The following POLN variants were observed in gnomAD, a reference collection of about 807,000 sequenced individuals.
POLN encodes DNA polymerase N.
POLN carries 108 observed loss-of-function variants against 113.5 expected under a neutral mutation model. The ratio of observed to expected loss-of-function variants is 0.95; its 90% CI spans 0.81 to 1.12. POLN has a LOEUF of 1.12. Among genes scored for constraint, POLN ranks in the 50% most tolerant of loss-of-function variants. POLN has a pLI of 0.00. For synonymous variants in POLN, 386 were observed against 391.5 expected, an observed-to-expected ratio of 0.99 and a Z score of 0.17; for missense variants, 1,097 against 1,077.1, an observed-to-expected ratio of 1.02 and a Z score of -0.26.
At chr4:2,123,624 CAAAAAAAAA>C (rs771462226) in intron 19 of POLN, among the ~76,000 whole-genome samples, 1 of 54,954 alleles carries the variant, frequency 1.8e-5, no homozygotes, top group South Asian at 7.6e-4. Flanking sequence ...GACCCTGTCT[CAAAAAAAAA>C]AAAAAAAAAA....
intron 5 of POLN, 151 bp downstream of exon 5, chr4:2,207,836 A>G: frequency 3.6e-6 from 3 of 832,800 alleles, no homozygotes; most frequent in South Asian, 2.3e-5. Flanking sequence ...TAAGAAACTG[A>G]TGGGAGCATA....
At chr4:2,186,998 C>A (rs1488568300) in intron 7 of POLN, among the ~76,000 whole-genome samples, 1 of 152,052 alleles carries the variant, frequency 6.6e-6, no homozygotes, top group Non-Finnish European at 1.5e-5. Context: ...AGGCTCTCAA[C>A]AGCAGAATGG....
rs765183268 is a variant in POLN at position 2,193,281 on chromosome 4, G to A, written c.944C>T (p.Pro315Leu). The change falls in exon 7 of 26, where the codon CCT becomes CTT. Residue 315 changes from proline to leucine, a missense_variant. Transcript: ENST00000511885. ...ATCCTTAGCATTAAAACAAATAACA[G>A]GACATTTACATTTCATTGTTTGAAA... ...VLFQTMKCKC[P>L]VICFNAKDFV... 2 of 1,608,396 alleles carry A rather than the reference G, an allele frequency of 1.2e-6. No individual in the cohort carries two copies. The highest frequency in any genetic ancestry group is 1.7e-6 in the Non-Finnish European group (2 of 1,177,396).
chr4:2,090,437 G>C (rs947763711), intron 20 of POLN: 8 of 590,682 alleles, frequency 1.4e-5, no homozygotes, highest in Middle Eastern at 6.9e-4. Flanking sequence ...GATTCTTTCA[G>C]ATCTTCATGA....
In POLN at chr4:2,127,240, T is replaced by C. The variant is rs1225263394; in HGVS notation, c.1982+873A>G. On this transcript the variant is annotated intron_variant, in intron 19 of 25. Coordinates refer to ENST00000511885, the MANE Select transcript of POLN (RefSeq NM_181808.4). The surrounding 1 kb of genome is among the most constrained non-coding windows in gnomAD (Gnocchi z 4.7). Reference sequence around the variant, plus strand: ...CTGCAGCTGATGAGGGAGGGGACAGTGACTCAGACACACGGACCTTCCAAC... The same window carrying C: ...CTGCAGCTGATGAGGGAGGGGACAGCGACTCAGACACACGGACCTTCCAAC... 6.6e-6 allele frequency among the ~76,000 whole-genome samples: 1 copy of C among 151,544 alleles called. No homozygotes were observed. Among genetic ancestry groups the C allele is most frequent in the Non-Finnish European group, 1.5e-5 (1 of 67,808 alleles).
rs891942305 is a variant in POLN at position 2,078,895 on chromosome 4, C to T, written c.2387+2063G>A. On this transcript the variant is annotated intron_variant, in intron 23 of 25. Transcript: ENST00000511885. ...GAGACCTCAGCTCCTCACATGCCAACTTCCTTTATCAATTCCACAAGGGCT... is the reference window on the plus strand; with the variant it reads ...GAGACCTCAGCTCCTCACATGCCAATTTCCTTTATCAATTCCACAAGGGCT... 13 of 985,150 alleles carry T rather than the reference C, an allele frequency of 1.3e-5. No homozygotes were observed. The South Asian group carries it at 1.4e-4, about 11-fold the overall frequency. 61.0% of individuals were successfully genotyped at this position (985,150 alleles called of 1,614,324 possible).
chr4:2,162,738 T>C (rs2108743191), intron 13 of POLN, among the ~76,000 whole-genome samples: 1 of 152,068 alleles, frequency 6.6e-6, no homozygotes, highest in East Asian at 1.9e-4. Flanking sequence ...ATTACAGGCA[T>C]GAGCCACCAT....
In POLN at chr4:2,129,056, CAAAAAAAAAA is replaced by C. The variant is rs542873881; in HGVS notation, c.1867+113_1867+122del. ...GGCCACAAAAGCGAGACTCTTGTCT[CAAAAAAAAAA>C]AAAAAAAAAAGAATTTATTTGAAAG... On this transcript the variant is annotated intron_variant, in intron 18 of 25. Coordinates refer to ENST00000511885, the MANE Select transcript of POLN (RefSeq NM_181808.4). The C allele has an allele frequency of 3.1e-5, 9 of 288,374 alleles. No homozygotes were observed. The East Asian group carries it at 7.3e-4, about 23-fold the overall frequency. 17.9% of individuals were successfully genotyped at this position (288,374 alleles called of 1,614,324 possible). A position where few individuals can be genotyped will look rare whatever the true frequency, so the allele number is the denominator to read the frequency against.
rs1735009301 is a variant in POLN, at chr4:2,242,035, G to A, written c.-284+16C>T. On this transcript the variant is annotated intron_variant, in intron 1 of 25. Coordinates refer to ENST00000511885, the MANE Select transcript of POLN (RefSeq NM_181808.4). ...CCCACACCCCTGCGCCCAGAACCGA[G>A]GCCCGCGTCAGTCACCTCAGGAAGT... The A allele has an allele frequency of 1.0e-6, 1 of 985,506 alleles. No individual in the cohort carries two copies. The highest frequency in any genetic ancestry group is 1.2e-6 in the Non-Finnish European group (1 of 830,060). 61.0% of individuals were successfully genotyped at this position (985,506 alleles called of 1,614,324 possible).
At chr4:2,214,551 C>A (rs373026086) in intron 3 of POLN, among the ~76,000 whole-genome samples, 1 of 151,940 alleles carries the variant, frequency 6.6e-6, no homozygotes, top group African/African-American at 2.4e-5. Context: ...AGGCAATACA[C>A]AAAACAGAAA....
At chr4:2,073,835 GGTGTGTC>G (rs1730211095) in intron 24 of POLN, among the ~76,000 whole-genome samples, 2 of 152,252 alleles carry the variant, frequency 1.3e-5, no homozygotes, top group African/African-American at 4.8e-5. Context: ...ACCTGTCCCT[GGTGTGTC>G]CTGAGCAGGG....
chr4:2,186,175 A>C (rs951824526), intron 7 of POLN, among the ~76,000 whole-genome samples: 1 of 152,220 alleles, frequency 6.6e-6, no homozygotes, highest in Non-Finnish European at 1.5e-5. Context: ...TAAACTGAAA[A>C]AAGTGAGACT....
chr4:2,236,536 G>A, intron 2 of POLN: 2 of 930,172 alleles, frequency 2.2e-6, no homozygotes, highest in Non-Finnish European at 3.4e-6. Flanking sequence ...CTGTATTGGG[G>A]CATTTGTGGG....
intron 19 of POLN, among the ~76,000 whole-genome samples, chr4:2,121,445 A>AT (rs1436196210): frequency 1.1e-3 from 94 of 83,836 alleles, no homozygotes; most frequent in Middle Eastern, 5.2e-3. Context: ...AAAAAAAAAA[A>AT]AAAAAAAATA....
intron 20 of POLN, among the ~76,000 whole-genome samples, chr4:2,087,732 C>G (rs1179149602): frequency 1.3e-5 from 2 of 152,120 alleles, no homozygotes; most frequent in African/African-American, 4.8e-5. Flanking sequence ...TATGGTTAAG[C>G]TATTCTGTTT....
intron 24 of POLN, 52 bp downstream of exon 24, chr4:2,075,400 C>T: frequency 6.3e-7 from 1 of 1,586,758 alleles, no homozygotes; most frequent in Non-Finnish European, 8.6e-7. Flanking sequence ...GGCATGGAGC[C>T]TCCTCTTAGC....
At chr4:2,176,473 G>A (rs1732999322) in intron 8 of POLN, 139 bp from the exon 9 acceptor site, 1 of 624,724 alleles carries the variant, frequency 1.6e-6, no homozygotes, top group East Asian at 3.1e-5. Context: ...CATGTACGTG[G>A]TAGTATCACC....
intron 16 of POLN, among the ~76,000 whole-genome samples, chr4:2,153,616 C>T (rs147126736): frequency 0.016 from 2,413 of 151,150 alleles, 21 homozygotes; most frequent in Middle Eastern, 0.038. Context: ...TGGAGTCTCG[C>T]TCTGTCACCC....
At chr4:2,168,858 G>C (rs1732792561) in intron 13 of POLN, among the ~76,000 whole-genome samples, 2 of 152,204 alleles carry the variant, frequency 1.3e-5, no homozygotes, top group African/African-American at 4.8e-5. Context: ...AGCTGGTTTG[G>C]TTCTGGGAAC....
Sources: allele counts gnomAD v4.1 joint callset (sites outside exome capture counted in the v4.1 genomes callset), GRCh38; gene constraint gnomAD v4.1.1; non-coding constraint Gnocchi (gnomAD v3.1); transcripts MANE v1.5; gene names NCBI Gene and HGNC (gene_info 2026-07-23, HGNC 2026-07-21).